Variants in MYCBP2 observed in about 807,000 individuals in gnomAD.
MYCBP2 encodes the protein E3 ubiquitin-protein ligase MYCBP2.
Under a neutral mutation model 525.3 loss-of-function variants are expected in MYCBP2, and 120 were observed. The ratio of observed to expected loss-of-function variants is 0.23; its 90% confidence interval spans 0.20 to 0.27. MYCBP2 has a LOEUF of 0.27. MYCBP2 is among the 10% of genes least tolerant of loss of function. The pLI, the probability that MYCBP2 is intolerant of heterozygous loss-of-function variation, is 1.00. For missense variants in MYCBP2, 4,149 were observed against 5,657.1 expected (o/e 0.73, Z 8.55); for synonymous variants, 1,894 against 1,955.8 (o/e 0.97, Z 0.83).
At chr13:77,097,293 A>G in intron 56 of MYCBP2, 77 bp downstream of exon 56, 1 of 1,518,500 alleles carries the variant, frequency 6.6e-7, no homozygotes, top group Non-Finnish European at 8.8e-7. Context: ...GACAAAATTC[A>G]TAGAACAGCT....
At chr13:77,129,941 G>T (rs1594780023) in intron 52 of MYCBP2, among the ~76,000 whole-genome samples, 1 of 151,914 alleles carries the variant, frequency 6.6e-6, no homozygotes, top group East Asian at 1.9e-4. Context: ...TTTAGGAAAT[G>T]CAGAGCATTT....
At chr13:77,276,211 A>C (rs1447528933) in intron 4 of MYCBP2, among the ~76,000 whole-genome samples, 1 of 152,204 alleles carries the variant, frequency 6.6e-6, no homozygotes, top group Non-Finnish European at 1.5e-5. Context: ...TATATTTTTA[A>C]ATAGATAATT....
At chr13:77,082,173 T>A in intron 63 of MYCBP2, 180 bp from the exon 64 acceptor site, 1 of 550,184 alleles carries the variant, frequency 1.8e-6, no homozygotes, top group Non-Finnish European at 3.0e-6. Flanking sequence ...GAAATAAAGG[T>A]AACTTCTTTG....
chr13:77,140,571 A>G (rs2054458014), intron 50 of MYCBP2, among the ~76,000 whole-genome samples: 1 of 152,166 alleles, frequency 6.6e-6, no homozygotes, highest in South Asian at 2.1e-4. Flanking sequence ...AGTAGAGGAC[A>G]TTTTCACCTT....
At chr13:77,174,253 A>C in intron 37 of MYCBP2, 58 bp downstream of exon 37, 1 of 1,542,778 alleles carries the variant, frequency 6.5e-7, no homozygotes, top group Non-Finnish European at 8.9e-7. Flanking sequence ...ACCTGGTAGT[A>C]GACTGTGTAT....
intron 51 of MYCBP2, among the ~76,000 whole-genome samples, 153 bp from the exon 52 acceptor site, chr13:77,139,489 G>GA (rs916011073): frequency 6.6e-5 from 10 of 150,680 alleles, no homozygotes; most frequent in Admixed American, 2.0e-4. Context: ...ACCCTCCAGG[G>GA]AAAAAAAAAG....
chr13:77,183,512 A>G (rs2060412102), intron 32 of MYCBP2, among the ~76,000 whole-genome samples: 1 of 148,322 alleles, frequency 6.7e-6, no homozygotes, highest in Non-Finnish European at 1.5e-5. Flanking sequence ...TCACCAGTAT[A>G]AAGTTGTTTA....
In MYCBP2 at chr13:77,140,069, C is replaced by A; in HGVS notation, c.7496G>T (p.Gly2499Val). 1 of 1,609,892 alleles carries A rather than the reference C, an allele frequency of 6.2e-7. No homozygotes were observed. The highest frequency in any genetic ancestry group is 1.1e-5 in the South Asian group (1 of 90,366). The change falls in exon 51 of 83, where the codon GGA (glycine) becomes GTA (valine). Residue 2499 changes from glycine (G) to valine (V), a missense_variant. Physicochemically the swap from Gly to Val is moderately radical, Grantham distance 109. Transcript: ENST00000544440. ...SEQIGIVKVN[G>V]TITFIDEIHN... The stretch of plus-strand genomic sequence containing the variant: ...TACCTCATCAATAAAAGTGATAGTT[C>A]CATTGACTTTCACTATGCCTATCTG...
intron 17 of MYCBP2, among the ~76,000 whole-genome samples, chr13:77,234,133 T>C (rs1016287071): frequency 6.6e-6 from 1 of 152,002 alleles, no homozygotes; most frequent in Non-Finnish European, 1.5e-5. Context: ...CCATTAACAT[T>C]TATTTACCTT....
chr13:77,303,380 G>C (rs1171230724), intron 1 of MYCBP2, among the ~76,000 whole-genome samples: 1 of 152,028 alleles, frequency 6.6e-6, no homozygotes, highest in Non-Finnish European at 1.5e-5. Flanking sequence ...GACCTAATTG[G>C]CATACATACA....
chr13:77,087,359 C>A (rs2044494935), intron 62 of MYCBP2, 125 bp downstream of exon 62: 1 of 856,408 alleles, frequency 1.2e-6, no homozygotes, highest in Non-Finnish European at 1.8e-6. Context: ...GCCCATAGCA[C>A]TAAAATATTC....
chr13:77,169,395 C>CAAAAAA (rs371575329), intron 39 of MYCBP2, among the ~76,000 whole-genome samples: 1 of 33,782 alleles, frequency 3.0e-5, no homozygotes, highest in African/African-American at 1.2e-4. Flanking sequence ...GACTCCGTCT[C>CAAAAAA]AAAAAAAAAA....
chr13:77,138,144 G>A (rs1019441408), intron 52 of MYCBP2, among the ~76,000 whole-genome samples: 1 of 152,078 alleles, frequency 6.6e-6, no homozygotes, highest in Non-Finnish European at 1.5e-5. Context: ...CCTCCGTAAA[G>A]CAGTAAGCCA....
intron 52 of MYCBP2, among the ~76,000 whole-genome samples, chr13:77,128,657 A>C (rs1057423021): frequency 6.6e-6 from 1 of 151,972 alleles, no homozygotes; most frequent in African/African-American, 2.4e-5. Flanking sequence ...ATAAAGTCAT[A>C]GAACTGTGCC....
chr13:77,191,275 T>A (rs1021311650), intron 28 of MYCBP2, among the ~76,000 whole-genome samples: 8 of 152,190 alleles, frequency 5.3e-5, no homozygotes, highest in African/African-American at 1.9e-4. Context: ...TTTATTAAAA[T>A]AACACACATT....
At position 77,177,866 on chromosome 13, in the gene MYCBP2, T is replaced by C. The variant is rs2154242901; in HGVS notation, c.5222A>G (p.Asn1741Ser). 1.2e-6 allele frequency: 2 copies of C among 1,613,512 alleles called. No homozygotes were observed. Among genetic ancestry groups the C allele is most frequent in the Non-Finnish European group, 1.7e-6 (2 of 1,179,414 alleles). ...AAAACAGATTGCATCAGGGGACCCGTTCCCAGTGTTCCAACTTCTGCCCTG... is the reference window on the plus strand; with the variant it reads ...AAAACAGATTGCATCAGGGGACCCGCTCCCAGTGTTCCAACTTCTGCCCTG... ...TSQGRSWNTG[N>S]GSPDAICFSV... is the part of the protein sequence containing the mutation. Residue 1741 changes from asparagine to serine, a missense_variant, in exon 35 of 83, where the codon AAC becomes AGC. This residue lies in a region of MYCBP2 where 54 missense variants were observed against 117.0 expected (regional missense o/e 0.46). Coordinates refer to ENST00000544440, the MANE Select transcript of MYCBP2 (RefSeq NM_015057.5).
chr13:77,189,700 C>G (rs1307914854), intron 29 of MYCBP2, among the ~76,000 whole-genome samples: 1 of 151,930 alleles, frequency 6.6e-6, no homozygotes, highest in Non-Finnish European at 1.5e-5. Flanking sequence ...AGGCATATGC[C>G]TTTATACATG....
intron 7 of MYCBP2, among the ~76,000 whole-genome samples, chr13:77,268,544 C>G (rs1049838846): frequency 1.3e-5 from 2 of 152,154 alleles, no homozygotes; most frequent in African/African-American, 4.8e-5. Context: ...CTTTGGGAGG[C>G]TGAGGCAGGT....
chr13:77,296,084 T>C (rs2154366169), intron 2 of MYCBP2, among the ~76,000 whole-genome samples: 1 of 152,256 alleles, frequency 6.6e-6, no homozygotes, highest in South Asian at 2.1e-4. Flanking sequence ...GCAAATAATT[T>C]TCAACATCCA....
Sources: allele counts gnomAD v4.1 joint callset (sites outside exome capture counted in the v4.1 genomes callset), GRCh38; gene constraint gnomAD v4.1.1; regional missense constraint gnomAD v4.1.1; transcripts MANE v1.5; gene names NCBI Gene and HGNC (gene_info 2026-07-23, HGNC 2026-07-21).